EBF3: variants seen among roughly 807,000 people sequenced by gnomAD.
EBF3 encodes EBF transcription factor 3, also known as transcription factor COE3.
Under a neutral mutation model 77.1 loss-of-function variants are expected in EBF3, and 18 were observed. The observed-to-expected ratio is 0.23, with a 90% confidence interval of 0.16 to 0.35. The LOEUF (loss-of-function observed/expected upper bound fraction) is 0.35. Among genes scored for constraint, EBF3 ranks in the 10% least tolerant of loss-of-function variants. The probability of loss-of-function intolerance (pLI) is 1.00; values close to 1 mark genes in which losing one functional copy is unlikely to be tolerated. For synonymous variants in EBF3, 350 were observed against 343.5 expected, an observed-to-expected ratio of 1.02 and a Z score of -0.21; for missense variants, 558 against 860.0, an observed-to-expected ratio of 0.65 and a Z score of 4.39.
intron 6 of EBF3, among the ~76,000 whole-genome samples, chr10:129,953,588 C>T (rs988690776): frequency 6.6e-6 from 1 of 152,176 alleles, no homozygotes; most frequent in African/African-American, 2.4e-5. Context: ...GCGAGTGGGA[C>T]GCCGGAGACG....
chr10:129,846,108 T>TG (rs1850440436), intron 11 of EBF3, among the ~76,000 whole-genome samples: 2 of 139,608 alleles, frequency 1.4e-5, no homozygotes, highest in Non-Finnish European at 3.1e-5. Context: ...ATTCTGGGCT[T>TG]TGTGTGTGTG....
At chr10:129,919,329 G>A (rs928777883) in intron 6 of EBF3, among the ~76,000 whole-genome samples, 1 of 152,128 alleles carries the variant, frequency 6.6e-6, no homozygotes, top group Non-Finnish European at 1.5e-5. Context: ...GAACAGTGGA[G>A]GCGGAGGCTG....
Position 129,838,020 on chromosome 10 carries a change from G to A in EBF3, c.1873-60C>T, listed in dbSNP as rs560585557. On this transcript the variant is annotated intron_variant, in intron 16 of 16. Coordinates refer to ENST00000440978, the MANE Select transcript of EBF3 (RefSeq NM_001375380.1). ...CTCCCCCACGCGCCCTCCCGCCAAC[G>A]CTGACGCGGGCGGGGCTGCCCTTCC... 2,151 of 1,604,266 alleles carry A rather than the reference G, an allele frequency of 1.3e-3. 48 individuals carry two copies. The South Asian group carries it at 0.022, about 16-fold the overall frequency.
chr10:129,928,531 CT>C (rs1304179493), intron 6 of EBF3, among the ~76,000 whole-genome samples: 4 of 152,186 alleles, frequency 2.6e-5, no homozygotes, highest in African/African-American at 9.7e-5. Context: ...GGGCAGAAAG[CT>C]TCCTAAACTT....
intron 4 of EBF3, among the ~76,000 whole-genome samples, chr10:129,959,735 CCA>C (rs1859345189): frequency 1.3e-5 from 2 of 151,810 alleles, no homozygotes; most frequent in Admixed American, 1.3e-4. Flanking sequence ...GCCTGGGAGC[CCA>C]GGCGGGAGGC....
intron 6 of EBF3, among the ~76,000 whole-genome samples, chr10:129,896,514 C>T (rs974880966): frequency 1.3e-5 from 2 of 152,194 alleles, no homozygotes; most frequent in African/African-American, 4.8e-5. Context: ...CCGGCGTGGG[C>T]CGGGTGTGGG....
chr10:129,888,107 T>C (rs1025486574), intron 6 of EBF3, among the ~76,000 whole-genome samples: 5 of 152,234 alleles, frequency 3.3e-5, no homozygotes, highest in Non-Finnish European at 5.9e-5. Flanking sequence ...AGTTTCGTTG[T>C]CCTCGATGGA....
intron 6 of EBF3, among the ~76,000 whole-genome samples, chr10:129,934,623 T>C (rs1318631582): frequency 6.6e-6 from 1 of 152,130 alleles, no homozygotes; most frequent in Non-Finnish European, 1.5e-5. Flanking sequence ...TGGGAGTTTC[T>C]AAGTTCACTC....
At chr10:129,840,553 TGACA>T in intron 14 of EBF3, 111 bp from the exon 15 acceptor site, 1 of 1,244,848 alleles carries the variant, frequency 8.0e-7, no homozygotes, top group Non-Finnish European at 1.1e-6. Flanking sequence ...AAACAAAACA[TGACA>T]TGCGTCTGGC....
rs979616717 is a variant in EBF3 at position 129,879,780 on chromosome 10, C to A, written c.555-1931G>T. Among the ~76,000 whole-genome samples the A allele has an allele frequency of 1.3e-5, 2 of 152,192 alleles. No individual in the cohort carries two copies. Among genetic ancestry groups the A allele is most frequent in the Admixed American group, 6.5e-5 (1 of 15,282 alleles). On this transcript the variant is annotated intron_variant, in intron 6 of 16. Coordinates refer to ENST00000440978, the MANE Select transcript of EBF3 (RefSeq NM_001375380.1). This position sits in a 1 kb window ranked among gnomAD's most constrained non-coding sequence, Gnocchi z 4.7. Reference sequence around the variant, plus strand: ...CCGCAGCGAGGTAAATGAGGCGCACCTGCGGCCACACTGCATTTGAACTGC... The same window carrying A: ...CCGCAGCGAGGTAAATGAGGCGCACATGCGGCCACACTGCATTTGAACTGC...
rs1857531642 is a variant in EBF3, at chr10:129,938,764, C to T, written c.554+18494G>A. On this transcript the variant is annotated intron_variant, in intron 6 of 16. Coordinates refer to ENST00000440978, the MANE Select transcript of EBF3 (RefSeq NM_001375380.1). This position sits in a 1 kb window ranked among gnomAD's most constrained non-coding sequence, Gnocchi z 5.1. Reference sequence around the variant, plus strand: ...TCCAAGCAAGTCAAGGCCATTGAGTCAATAGGGGCAAGATGTTACATGGGG... The same window carrying T: ...TCCAAGCAAGTCAAGGCCATTGAGTTAATAGGGGCAAGATGTTACATGGGG... Among the ~76,000 whole-genome samples, 1 of 152,054 alleles carries T rather than the reference C, an allele frequency of 6.6e-6. No individual in the cohort carries two copies. The highest frequency in any genetic ancestry group is 6.5e-5 in the Admixed American group (1 of 15,276).
intron 6 of EBF3, among the ~76,000 whole-genome samples, chr10:129,941,315 A>G (rs1270185347): frequency 2.6e-5 from 4 of 152,248 alleles, no homozygotes; most frequent in Non-Finnish European, 5.9e-5. Flanking sequence ...ACCCTTGCTC[A>G]GAAACACAAG....
intron 8 of EBF3, among the ~76,000 whole-genome samples, chr10:129,868,744 C>T (rs955244262): frequency 3.3e-5 from 5 of 152,222 alleles, no homozygotes; most frequent in East Asian, 1.9e-4. Flanking sequence ...AGGCCAGGGC[C>T]GGGGCTGAGG....
At chr10:129,843,345 C>T in intron 11 of EBF3, 143 bp from the exon 12 acceptor site, 1 of 749,324 alleles carries the variant, frequency 1.3e-6, no homozygotes. Context: ...ACTTCGAAGG[C>T]AGGCACAGAC....
At chr10:129,936,874 C>T (rs1016484402) in intron 6 of EBF3, among the ~76,000 whole-genome samples, 1 of 152,144 alleles carries the variant, frequency 6.6e-6, no homozygotes, top group Non-Finnish European at 1.5e-5. Flanking sequence ...ACCTCAGACA[C>T]GAACAAATCA....
intron 4 of EBF3, among the ~76,000 whole-genome samples, chr10:129,960,628 CTTTTTTTTT>C (rs34551386): frequency 8.7e-6 from 1 of 115,246 alleles, no homozygotes; most frequent in Non-Finnish European, 1.8e-5. Context: ...TATTTCTTTC[CTTTTTTTTT>C]TTTTTTTTTT....
At chr10:129,959,792 CGCAGGAGTGCCGGG>C (rs1859349835) in intron 4 of EBF3, among the ~76,000 whole-genome samples, 1 of 151,764 alleles carries the variant, frequency 6.6e-6, no homozygotes. Flanking sequence ...GCCAGCGCCC[CGCAGGAGTGCCGGG>C]GCCCCAGGGC....
At chr10:129,859,475 T>C (rs1450634976) in intron 10 of EBF3, among the ~76,000 whole-genome samples, 1 of 152,250 alleles carries the variant, frequency 6.6e-6, no homozygotes, top group East Asian at 1.9e-4. Context: ...TCCACCCGCC[T>C]CAGCCTCCCA....
In EBF3 at chr10:129,836,691, C is replaced by CAAAG. The variant is rs370865160; in HGVS notation, c.*1248_*1251dup. 1,442 of 151,998 alleles carry CAAAG rather than the reference C, an allele frequency of 9.5e-3. 16 individuals are homozygous for CAAAG. The highest frequency in any genetic ancestry group is 0.016 in the Non-Finnish European group (1,088 of 67,950). The allele number at this position is 151,998 out of a possible 1,614,324, so 9.4% of individuals were successfully genotyped here. A position where few individuals can be genotyped will look rare whatever the true frequency, so the allele number is the denominator to read the frequency against. ...ACTGGTTCAGCTTAACGAAACAGAT[C>CAAAG]AAAGAGACAAGTTCTTGGCTAATGC... On this transcript the variant is annotated 3_prime_UTR_variant, in exon 17 of 17. Coordinates refer to ENST00000440978, the MANE Select transcript of EBF3 (RefSeq NM_001375380.1).
Sources: gnomAD v4.1 joint callset for allele counts (sites outside exome capture counted in the v4.1 genomes callset) on GRCh38, gnomAD v4.1.1 for gene constraint, Gnocchi (gnomAD v3.1) non-coding constraint, MANE v1.5 for transcripts, NCBI Gene and HGNC (gene_info 2026-07-23, HGNC 2026-07-21) for gene names.